The following INSL6 variants were observed in gnomAD, a reference collection of about 807,000 sequenced individuals.
INSL6 encodes insulin-like peptide INSL6.
INSL6 carries 16 observed loss-of-function variants against 9.4 expected under a neutral mutation model. That is an observed-to-expected ratio of 1.70 (90% CI 1.15 to 2.59). INSL6 has a LOEUF of 2.59. Among genes scored for constraint, INSL6 ranks in the 30% most tolerant of loss-of-function variants. The pLI is 0.00. For missense variants in INSL6, 391 were observed against 257.3 expected (o/e 1.52, Z -3.56); for synonymous variants, 154 against 96.9 (o/e 1.59, Z -3.46).
the INSL6 span, among the ~76,000 whole-genome samples, chr9:5,093,057 GTCTAA>G: frequency 4.6e-5 from 7 of 152,030 alleles, no homozygotes; most frequent in Non-Finnish European, 1.0e-4. Context: ...CATTACACTG[GTCTAA>G]TCTATTATTT....
the INSL6 span, among the ~76,000 whole-genome samples, chr9:5,091,892 G>A: frequency 2.0e-5 from 3 of 152,064 alleles, no homozygotes; most frequent in African/African-American, 7.2e-5. Context: ...ACCTAGGGTG[G>A]TTACACCTAG....
chr9:5,110,994 G>A, the INSL6 span: 4 of 670,356 alleles, frequency 6.0e-6, no homozygotes, highest in East Asian at 1.1e-4. Flanking sequence ...TGTTCCCGCT[G>A]CCCGTTGCCA....
chr9:5,052,405 C>G, the INSL6 span, among the ~76,000 whole-genome samples: 5 of 151,510 alleles, frequency 3.3e-5, no homozygotes, highest in African/African-American at 9.6e-5. Flanking sequence ...AATGCTGCAT[C>G]ATTTTTTTTT....
At chr9:5,128,366 G>T (rs959542841) in intron 3 of INSL6, among the ~76,000 whole-genome samples, 4 of 151,684 alleles carry the variant, frequency 2.6e-5, no homozygotes, top group African/African-American at 9.7e-5. Context: ...GTTTTAAAAA[G>T]ATTTTAGATT....
chr9:5,180,257 T>C (rs543968343), intron 1 of INSL6, among the ~76,000 whole-genome samples: 3 of 152,336 alleles, frequency 2.0e-5, no homozygotes, highest in Non-Finnish European at 2.9e-5. Context: ...ACTGTGATAA[T>C]TGTGTTAACT....
At chr9:5,176,291 C>T (rs1199190023) in intron 1 of INSL6, among the ~76,000 whole-genome samples, 2 of 152,204 alleles carry the variant, frequency 1.3e-5, no homozygotes, top group African/African-American at 4.8e-5. Context: ...CCTTACCACA[C>T]TGTTTAATAC....
At chr9:5,116,740 A>G in the INSL6 span, among the ~76,000 whole-genome samples, 1 of 152,220 alleles carries the variant, frequency 6.6e-6, no homozygotes, top group Admixed American at 6.5e-5. Context: ...CTTAGTAGAA[A>G]GGCTGAACTA....
the INSL6 span, among the ~76,000 whole-genome samples, chr9:5,042,120 A>ATTTC: frequency 1.5e-5 from 2 of 130,004 alleles, no homozygotes; most frequent in Admixed American, 7.7e-5. Flanking sequence ...ACTGGCCAAA[A>ATTTC]TTTCTTTTTT....
chr9:5,069,888 T>C, the INSL6 span: 25 of 1,375,156 alleles, frequency 1.8e-5, no homozygotes, highest in Non-Finnish European at 2.3e-5. Flanking sequence ...ACTTTCAGTG[T>C]ATTTTGAAGT....
the INSL6 span, among the ~76,000 whole-genome samples, chr9:5,057,203 C>T: frequency 2.0e-5 from 3 of 151,050 alleles, no homozygotes; most frequent in Admixed American, 1.3e-4. Context: ...ATATGTTATG[C>T]TTTTTCTGTT....
chr9:5,089,373 C>T, the INSL6 span, among the ~76,000 whole-genome samples: 640 of 151,956 alleles, frequency 4.2e-3, 4 homozygotes, highest in African/African-American at 0.015. Context: ...CCTGTCTCTA[C>T]TAAATATACA....
At chr9:5,170,441 A>C (rs1825154324) in intron 1 of INSL6, among the ~76,000 whole-genome samples, 1 of 152,174 alleles carries the variant, frequency 6.6e-6, no homozygotes, top group African/African-American at 2.4e-5. Context: ...CAAAAGAAGT[A>C]GAGAACCAAG....
the INSL6 span, among the ~76,000 whole-genome samples, chr9:5,081,117 G>C: frequency 4.1e-4 from 62 of 151,712 alleles, no homozygotes; most frequent in African/African-American, 1.4e-3. Flanking sequence ...GGATGGTCTC[G>C]ATCTCCTGAT....
the INSL6 span, among the ~76,000 whole-genome samples, chr9:5,118,217 G>C: frequency 6.6e-6 from 1 of 152,104 alleles, no homozygotes; most frequent in Admixed American, 6.5e-5. Flanking sequence ...CACTTAAAAA[G>C]ATTATATGAA....
Position 5,145,104 on chromosome 9 carries a change from T to G in INSL6, c.377-11512A>C, listed in dbSNP as rs117890396. 9.2e-3 allele frequency among the ~76,000 whole-genome samples: 1,403 copies of G among 152,320 alleles called. 15 individuals are homozygous for G. Among genetic ancestry groups the G allele is most frequent in the Non-Finnish European group, 0.014 (924 of 68,020 alleles). On this transcript the variant is annotated intron_variant, in intron 2 of 3. Transcript: ENST00000649639. The stretch of plus-strand genomic sequence containing the variant: ...GTGTTTTTGTAGTGGTTGGTACTGG[T>G]CTTTCCTTTCCATATTTAGTCCCTC...
the INSL6 span, among the ~76,000 whole-genome samples, chr9:5,033,189 T>G: frequency 5.9e-5 from 9 of 151,724 alleles, no homozygotes; most frequent in African/African-American, 1.7e-4. Context: ...GAAGAGAAGT[T>G]TAGAGAAAAA....
At chr9:5,136,305 G>C (rs1021332329) in intron 2 of INSL6, among the ~76,000 whole-genome samples, 1 of 152,168 alleles carries the variant, frequency 6.6e-6, no homozygotes, top group Non-Finnish European at 1.5e-5. Flanking sequence ...AAACCTGGCA[G>C]AGACACAACA....
the INSL6 span, among the ~76,000 whole-genome samples, chr9:5,047,849 C>T: frequency 2.0e-5 from 3 of 152,092 alleles, no homozygotes; most frequent in Non-Finnish European, 4.4e-5. Flanking sequence ...GATCCTCCTA[C>T]CTCAGCCTCC....
rs1001612240 is a variant in INSL6 at position 5,126,493 on chromosome 9, T to G, written c.*11-1982A>C. 6.8e-6 allele frequency: 9 copies of G among 1,319,212 alleles called. 1 individual carries two copies. Among genetic ancestry groups the G allele is most frequent in the Non-Finnish European group, 9.7e-6 (9 of 926,620 alleles). 81.7% of individuals were successfully genotyped at this position (1,319,212 alleles called of 1,614,324 possible). ...AGGGTAGTCATGCATTTTCTTTTAC[T>G]TTTTACTCAAGGACTTCAGTTCACT... On this transcript the variant is annotated intron_variant, in intron 3 of 3. Transcript: ENST00000649639.
Sources: allele counts gnomAD v4.1 joint callset (sites outside exome capture counted in the v4.1 genomes callset), GRCh38; gene constraint gnomAD v4.1.1; transcripts MANE v1.5; gene names NCBI Gene and HGNC (gene_info 2026-07-23, HGNC 2026-07-21).